EDC3: variants seen among roughly 807,000 people sequenced by gnomAD.
EDC3 encodes the protein enhancer of mRNA-decapping protein 3.
EDC3 carries 20 observed loss-of-function variants against 41.8 expected under a neutral mutation model. The observed-to-expected ratio is 0.48, with a 90% CI of 0.34 to 0.70. The LOEUF is 0.70. Ranked by LOEUF, EDC3 falls within the 30% of genes least tolerant of loss-of-function variation. The pLI is 0.01. For missense variants in EDC3, 444 were observed against 636.8 expected (o/e 0.70, Z 3.26); for synonymous variants, 206 against 243.2 (o/e 0.85, Z 1.42).
rs573361463 is a variant in EDC3 at position 74,671,209 on chromosome 15, C to G, written c.484+246G>C. 5.3e-5 allele frequency among the ~76,000 whole-genome samples: 8 copies of G among 152,256 alleles called. No homozygotes were observed. The highest frequency in any genetic ancestry group is 5.2e-4 in the Admixed American group (8 of 15,292). ...TCACTGTTAGTAAACTCTGGGCAGA[C>G]TTTTCCTGAAGGAAGTGGTAAGAGA... On this transcript the variant is annotated intron_variant, in intron 3 of 6. Coordinates refer to ENST00000315127, the MANE Select transcript of EDC3 (RefSeq NM_025083.5). The surrounding 1 kb of genome is among the most constrained non-coding windows in gnomAD (Gnocchi z 4.6).
At chr15:74,643,326 G>A (rs2062375992) in intron 4 of EDC3, 1 of 152,176 alleles carries the variant, frequency 6.6e-6, no homozygotes, top group African/African-American at 2.4e-5. Context: ...TCAGTTGGTA[G>A]GGTTTCTTTG....
intron 3 of EDC3, among the ~76,000 whole-genome samples, chr15:74,656,564 C>T (rs1231283486): frequency 6.6e-6 from 1 of 152,204 alleles, no homozygotes; most frequent in Non-Finnish European, 1.5e-5. Flanking sequence ...TTTCTGACAA[C>T]TTACTATTAG....
At chr15:74,675,178 G>A in intron 1 of EDC3, 36 bp from the exon 2 acceptor site, 1 of 1,587,532 alleles carries the variant, frequency 6.3e-7, no homozygotes, top group Non-Finnish European at 8.6e-7. Context: ...GTGCCTTGGT[G>A]AAAAGACAAA....
chr15:74,637,050 G>A (rs2062282714), intron 5 of EDC3: 1 of 152,210 alleles, frequency 6.6e-6, no homozygotes, highest in Non-Finnish European at 1.5e-5. Flanking sequence ...TCAGCTCTCT[G>A]AGCCACAGTG....
At chr15:74,683,536 G>A (rs544060190) in intron 1 of EDC3, among the ~76,000 whole-genome samples, 1 of 152,210 alleles carries the variant, frequency 6.6e-6, no homozygotes, top group South Asian at 2.1e-4. Context: ...GTAGCAACAT[G>A]GGGGACTCTT....
intron 4 of EDC3, among the ~76,000 whole-genome samples, chr15:74,647,740 G>A (rs1271782506): frequency 7.2e-5 from 11 of 152,228 alleles, no homozygotes; most frequent in Admixed American, 7.2e-4. Flanking sequence ...GCTAGAGCCT[G>A]AGGTTCCCCA....
At chr15:74,668,381 GACGTTA>G (rs1405462701) in intron 3 of EDC3, among the ~76,000 whole-genome samples, 5 of 151,924 alleles carry the variant, frequency 3.3e-5, no homozygotes, top group Non-Finnish European at 7.3e-5. Context: ...ACAAATGTAA[GACGTTA>G]ATAACGGGGA....
chr15:74,632,026 T>C lies in EDC3; in HGVS notation c.*586A>G, dbSNP rs1194152252. 1.3e-5 allele frequency: 2 copies of C among 154,628 alleles called. No homozygotes were observed. The highest frequency in any genetic ancestry group is 2.9e-5 in the Non-Finnish European group (2 of 69,646). 9.6% of individuals were successfully genotyped at this position (154,628 alleles called of 1,614,324 possible). ...ATCCTTGGAAAAATCAGCATAAAAC[T>C]TGGATCAGCTCAGGAGTAAGGGTCA... On this transcript the variant is annotated 3_prime_UTR_variant, in exon 7 of 7. Coordinates refer to ENST00000315127, the MANE Select transcript of EDC3 (RefSeq NM_025083.5). The surrounding 1 kb of genome is among the most constrained non-coding windows in gnomAD (Gnocchi z 4.0).
intron 4 of EDC3, among the ~76,000 whole-genome samples, chr15:74,648,947 AG>A (rs2062447817): frequency 6.6e-6 from 1 of 152,124 alleles, no homozygotes; most frequent in Non-Finnish European, 1.5e-5. Flanking sequence ...ACGTTGAGAT[AG>A]GATCTTGCTA....
chr15:74,643,414 G>T (rs1008444671), intron 4 of EDC3: 4 of 152,204 alleles, frequency 2.6e-5, no homozygotes, highest in Non-Finnish European at 4.4e-5. Context: ...GACAAGCAGA[G>T]AACTTCTTAG....
intron 3 of EDC3, among the ~76,000 whole-genome samples, chr15:74,658,569 C>T (rs1164896989): frequency 2.9e-5 from 4 of 136,002 alleles, no homozygotes; most frequent in Non-Finnish European, 6.1e-5. Context: ...TTCCTAATGC[C>T]TTGTACTGGT....
chr15:74,657,727 C>T (rs2062567543), intron 3 of EDC3, among the ~76,000 whole-genome samples: 1 of 152,228 alleles, frequency 6.6e-6, no homozygotes, highest in African/African-American at 2.4e-5. Context: ...TTAATTTGGT[C>T]TTAGGCTAGA....
Position 74,689,636 on chromosome 15 carries a change from C to T in EDC3, c.-19+6244G>A, listed in dbSNP as rs539717734. The stretch of plus-strand genomic sequence containing the variant: ...GCCTCCTGGGTTCACACCATCCTCC[C>T]GCCTCAGCCTCCTGAGTAGCTGGGA... On this transcript the variant is annotated intron_variant, in intron 1 of 6. Transcript: ENST00000315127. Among the ~76,000 whole-genome samples, 20 of 152,284 alleles carry T rather than the reference C, an allele frequency of 1.3e-4. No individual in the cohort carries two copies. The East Asian group carries it at 3.3e-3, about 25-fold the overall frequency.
chr15:74,638,660 G>A (rs1047491607), intron 5 of EDC3: 4 of 151,908 alleles, frequency 2.6e-5, no homozygotes, highest in Admixed American at 2.6e-4. Flanking sequence ...ATAGCTAAGA[G>A]ACTATTTGGA....
intron 3 of EDC3, among the ~76,000 whole-genome samples, chr15:74,659,822 G>C (rs1016766049): frequency 6.6e-6 from 1 of 152,062 alleles, no homozygotes; most frequent in Non-Finnish European, 1.5e-5. Context: ...TGAGGTGGGC[G>C]GATCATGAGG....
intron 3 of EDC3, among the ~76,000 whole-genome samples, 164 bp from the exon 4 acceptor site, chr15:74,656,232 G>C (rs2062546848): frequency 6.6e-6 from 1 of 152,130 alleles, no homozygotes; most frequent in Admixed American, 6.5e-5. Flanking sequence ...CAAATCTCAT[G>C]TGCAATAATA....
At position 74,655,780 on chromosome 15, in the gene EDC3, T is replaced by C. The variant is rs1331477028; in HGVS notation, c.773A>G (p.Tyr258Cys). The change falls in exon 4 of 7, where the codon TAT (tyrosine) becomes TGT (cysteine). Residue 258 changes from tyrosine (Y) to cysteine (C), a missense_variant. Transcript: ENST00000315127. ...GTTGTGGGGCACTATGATCCGTCGA[T>C]AGACAATGGGCTCGGACTCCAAGAT... The part of the protein sequence containing the change: ...ENILESEPIV[Y>C]RRIIVPHNVS... 5 of 1,613,934 alleles carry C rather than the reference T, an allele frequency of 3.1e-6. No individual in the cohort carries two copies. Among genetic ancestry groups the C allele is most frequent in the Non-Finnish European group, 4.2e-6 (5 of 1,179,980 alleles).
chr15:74,633,094 C>T, intron 6 of EDC3, 148 bp from the exon 7 acceptor site: 1 of 889,720 alleles, frequency 1.1e-6, no homozygotes, highest in Non-Finnish European at 1.7e-6. Flanking sequence ...TAAAGCTGGG[C>T]CAGGGCACAG....
chr15:74,657,204 A>G (rs2062559625), intron 3 of EDC3, among the ~76,000 whole-genome samples: 1 of 152,214 alleles, frequency 6.6e-6, no homozygotes, highest in Admixed American at 6.5e-5. Context: ...TGGCAGAGCT[A>G]AAAGAGCACC....
Sources: gnomAD v4.1 joint callset for allele counts (sites outside exome capture counted in the v4.1 genomes callset) on GRCh38, gnomAD v4.1.1 for gene constraint, Gnocchi (gnomAD v3.1) non-coding constraint, MANE v1.5 for transcripts, NCBI Gene and HGNC (gene_info 2026-07-23, HGNC 2026-07-21) for gene names.